The following RSPH14 variants were observed in gnomAD, a reference collection of about 807,000 sequenced individuals.
The protein encoded by RSPH14 is radial spoke head 14 homolog, also known as rhabdoid tumor deletion region gene 1.
In RSPH14, 20 loss-of-function variants were observed where a neutral mutation model predicts 26.7. The observed-to-expected ratio is 0.75, with a 90% CI of 0.53 to 1.09. The LOEUF (loss-of-function observed/expected upper bound fraction) is 1.09. Among genes scored for constraint, RSPH14 ranks in the 50% least tolerant of loss-of-function variants. RSPH14 has a pLI of 0.00. For synonymous variants in RSPH14, 177 were observed against 189.3 expected, an observed-to-expected ratio of 0.93 and a Z score of 0.53; for missense variants, 449 against 457.2, an observed-to-expected ratio of 0.98 and a Z score of 0.16.
At chr22:23,096,300 T>TG (rs752075537) in intron 4 of RSPH14, 20 of 1,613,684 alleles carry the variant, frequency 1.2e-5, no homozygotes, top group Non-Finnish European at 8.5e-7. Context: ...ATGGTGGACG[T>TG]GGGGGGGCAG....
the RSPH14 span, among the ~76,000 whole-genome samples, chr22:23,170,978 T>C: frequency 6.6e-6 from 1 of 151,660 alleles, no homozygotes; most frequent in African/African-American, 2.4e-5. Context: ...TTTTTCTTCT[T>C]TTTTTTTCAA....
At chr22:23,143,776 A>C (rs1383328806), upstream of RSPH14, among the ~76,000 whole-genome samples, 1 of 152,182 alleles carries the variant, frequency 6.6e-6, no homozygotes, top group Non-Finnish European at 1.5e-5. Context: ...AGATCTAGGC[A>C]AAGAGCCCAC....
chr22:23,166,137 CTCTG>C, the RSPH14 span, among the ~76,000 whole-genome samples: 1 of 97,764 alleles, frequency 1.0e-5, no homozygotes, highest in Non-Finnish European at 1.8e-5. Context: ...CGGAGTGAGA[CTCTG>C]TCTTTTAAAA....
Position 23,075,247 on chromosome 22 carries a change from C to T in RSPH14, c.422-11114G>A, listed in dbSNP as rs1049331119. ...GGGCGGGTGGGTTGCGTTGGACTTT[C>T]AGGGCCGCTGGAGTCAGTCACACCC... is the stretch of plus-strand genomic sequence containing the variant. On this transcript the variant is annotated intron_variant, in intron 4 of 6. Transcript: ENST00000216036. Among the ~76,000 whole-genome samples the T allele has an allele frequency of 2.6e-5, 4 of 152,308 alleles. No individual in the cohort carries two copies. In the East Asian group the frequency reaches 7.7e-4, roughly 29 times the overall value.
At chr22:23,174,788 G>A in the RSPH14 span, among the ~76,000 whole-genome samples, 1 of 151,694 alleles carries the variant, frequency 6.6e-6, no homozygotes, top group Non-Finnish European at 1.5e-5. Flanking sequence ...GACCAACATG[G>A]AGAAACCCCG....
chr22:23,141,729 G>A (rs1294277067), intron 1 of RSPH14, among the ~76,000 whole-genome samples: 1 of 152,270 alleles, frequency 6.6e-6, no homozygotes, highest in East Asian at 1.9e-4. Context: ...GGGCCGGACT[G>A]GGAGGGACGT....
At chr22:23,096,241 C>A (rs1337949722) in intron 4 of RSPH14, 1 of 1,613,974 alleles carries the variant, frequency 6.2e-7, no homozygotes, top group East Asian at 2.2e-5. Context: ...GGGACATGAC[C>A]ACGGGCATTG....
chr22:23,145,660 C>A, upstream of RSPH14: 1 of 1,277,804 alleles, frequency 7.8e-7, no homozygotes. Flanking sequence ...ACTTCCCGCC[C>A]CTATAACTTG....
intron 4 of RSPH14, among the ~76,000 whole-genome samples, chr22:23,066,906 T>C (rs1375621920): frequency 6.6e-6 from 1 of 151,826 alleles, no homozygotes; most frequent in African/African-American, 2.4e-5. Flanking sequence ...GGAAAACTAG[T>C]GGAATAGTCA....
intron 4 of RSPH14, among the ~76,000 whole-genome samples, chr22:23,117,422 T>G (rs1176398983): frequency 6.6e-6 from 1 of 152,076 alleles, no homozygotes; most frequent in Non-Finnish European, 1.5e-5. Context: ...AGCAAAGAAG[T>G]GTTGCTGGCT....
At chr22:23,137,738 A>T in intron 3 of RSPH14, 6 of 77,310 alleles carry the variant, frequency 7.8e-5, no homozygotes, top group East Asian at 4.0e-4. Flanking sequence ...GACCTGGGCC[A>T]GGGCTTGGGG....
intron 4 of RSPH14, among the ~76,000 whole-genome samples, chr22:23,081,304 G>A (rs376007582): frequency 5.3e-5 from 8 of 152,164 alleles, no homozygotes; most frequent in African/African-American, 1.7e-4. Context: ...CCCCAGAACC[G>A]GAAACTCTGA....
intron 4 of RSPH14, among the ~76,000 whole-genome samples, chr22:23,132,359 G>T (rs2070374379): frequency 6.6e-6 from 1 of 152,104 alleles, no homozygotes; most frequent in Admixed American, 6.5e-5. Context: ...GACCAGGCAG[G>T]TATCAATCTG....
At chr22:23,134,194 G>A (rs751042489) in intron 3 of RSPH14, 50 bp from the exon 4 acceptor site, 7 of 1,392,538 alleles carry the variant, frequency 5.0e-6, no homozygotes, top group Non-Finnish European at 7.0e-6. Flanking sequence ...TGCCCTGAGA[G>A]GCTCAAATTA....
chr22:23,079,337 G>A (rs181915660), intron 4 of RSPH14, among the ~76,000 whole-genome samples: 11 of 152,344 alleles, frequency 7.2e-5, no homozygotes, highest in East Asian at 5.8e-4. Context: ...GCGCGGAAGC[G>A]AAGTCCACTT....
the RSPH14 span, chr22:23,161,605 C>T: frequency 3.0e-5 from 45 of 1,505,288 alleles, no homozygotes; most frequent in South Asian, 1.3e-4. Context: ...TGCACACACA[C>T]GGACAGGAAT....
intron 4 of RSPH14, among the ~76,000 whole-genome samples, chr22:23,065,919 G>A (rs749941461): frequency 3.9e-5 from 6 of 152,010 alleles, no homozygotes; most frequent in Non-Finnish European, 1.5e-5. Context: ...CACCCCTCCC[G>A]AGGCCTGATC....
chr22:23,170,807 A>G, the RSPH14 span, among the ~76,000 whole-genome samples: 1 of 115,238 alleles, frequency 8.7e-6, no homozygotes, highest in Non-Finnish European at 1.7e-5. Context: ...TCCGAGGCAC[A>G]TTGAGGGTTA....
At chr22:23,164,489 T>G in the RSPH14 span, 4 of 152,160 alleles carry the variant, frequency 2.6e-5, no homozygotes, top group African/African-American at 9.7e-5. Flanking sequence ...CACCCCAAGT[T>G]GATGCAGCAT....
Sources: allele counts gnomAD v4.1 joint callset (sites outside exome capture counted in the v4.1 genomes callset), GRCh38; gene constraint gnomAD v4.1.1; transcripts MANE v1.5; gene names NCBI Gene and HGNC (gene_info 2026-07-23, HGNC 2026-07-21).